The following FRMD4B variants were observed in gnomAD, a reference collection of about 807,000 sequenced individuals.
FRMD4B encodes FERM domain containing 4B.
FRMD4B carries 74 observed loss-of-function variants against 141.5 expected under a neutral mutation model. That is an observed-to-expected ratio of 0.52 (90% CI 0.43 to 0.63). The LOEUF is 0.63. Ranked by LOEUF, FRMD4B falls within the 30% of genes least tolerant of loss-of-function variation. The pLI is 0.00. For synonymous variants in FRMD4B, 506 were observed against 467.9 expected (o/e 1.08, Z -1.05); for missense variants, 1,366 against 1,253.4 (o/e 1.09, Z -1.36).
intron 11 of FRMD4B, chr3:69,200,798 C>T: frequency 1.6e-6 from 1 of 608,836 alleles, no homozygotes; most frequent in Non-Finnish European, 2.7e-6. Context: ...ACATTTCTAC[C>T]CTAGTTTACT....
chr3:69,207,570 G>C (rs2093035755), intron 11 of FRMD4B, among the ~76,000 whole-genome samples: 1 of 152,138 alleles, frequency 6.6e-6, no homozygotes, highest in Non-Finnish European at 1.5e-5. Context: ...AGCACTTTGG[G>C]AGGCCGAGGC....
intron 17 of FRMD4B, among the ~76,000 whole-genome samples, chr3:69,193,058 T>A (rs2092857613): frequency 6.6e-6 from 1 of 152,066 alleles, no homozygotes; most frequent in South Asian, 2.1e-4. Context: ...TTAGCTCAAG[T>A]GATCCGCTCA....
At chr3:69,382,800 T>C (rs1330396599) in intron 1 of FRMD4B, among the ~76,000 whole-genome samples, 2 of 151,376 alleles carry the variant, frequency 1.3e-5, no homozygotes, top group East Asian at 3.9e-4. Context: ...ATATAAGGCC[T>C]GAAACTGCTG....
At chr3:69,487,395 A>C (rs1029252219) in intron 1 of FRMD4B, among the ~76,000 whole-genome samples, 4 of 152,230 alleles carry the variant, frequency 2.6e-5, no homozygotes, top group Non-Finnish European at 5.9e-5. Flanking sequence ...AAGAAATTTG[A>C]ATTTTATTTC....
At chr3:69,257,795 G>A (rs1026753868) in intron 5 of FRMD4B, among the ~76,000 whole-genome samples, 1 of 151,522 alleles carries the variant, frequency 6.6e-6, no homozygotes, top group Admixed American at 6.6e-5. Context: ...CTGAGTAGCC[G>A]GGACTACAGG....
intron 19 of FRMD4B, among the ~76,000 whole-genome samples, chr3:69,185,330 G>GAAAAGAAAAAAAA (rs1559694051): frequency 6.6e-6 from 1 of 150,688 alleles, no homozygotes; most frequent in Non-Finnish European, 1.5e-5. Flanking sequence ...AAGAAAAAAA[G>GAAAAGAAAAAAAA]AAGAAACATA....
chr3:69,200,177 A>C (rs775954599), intron 11 of FRMD4B, among the ~76,000 whole-genome samples: 15 of 152,168 alleles, frequency 9.9e-5, no homozygotes, highest in Non-Finnish European at 1.5e-4. Flanking sequence ...AAAGGAACAA[A>C]ATGAGCTGAA....
At chr3:69,183,793 T>A (rs1336570493) in intron 19 of FRMD4B, among the ~76,000 whole-genome samples, 1 of 151,986 alleles carries the variant, frequency 6.6e-6, no homozygotes. Flanking sequence ...GAAGTTAATT[T>A]TTTTTAACTA....
At chr3:69,285,060 G>A (rs550632192) in intron 5 of FRMD4B, among the ~76,000 whole-genome samples, 120 of 152,348 alleles carry the variant, frequency 7.9e-4, no homozygotes, top group African/African-American at 2.3e-3. Context: ...CTACTCGGGA[G>A]GCTGAGGCAG....
intron 4 of FRMD4B, among the ~76,000 whole-genome samples, chr3:69,289,843 C>A (rs1233615100): frequency 6.6e-6 from 1 of 151,986 alleles, no homozygotes; most frequent in South Asian, 2.1e-4. Context: ...CAACGTATAG[C>A]CAATCACTGA....
chr3:69,425,044 G>A (rs1705053633), intron 2 of FRMD4B, among the ~76,000 whole-genome samples: 1 of 152,118 alleles, frequency 6.6e-6, no homozygotes, highest in Admixed American at 6.6e-5. Flanking sequence ...AGTGACTTAG[G>A]CAAATAGGAA....
At chr3:69,304,483 C>CAAAAAAAAAAAAAAAAAAAAAAAA (rs1313360753) in intron 3 of FRMD4B, among the ~76,000 whole-genome samples, 2 of 67,596 alleles carry the variant, frequency 3.0e-5, no homozygotes, top group Non-Finnish European at 3.0e-5. Context: ...GATTCTATCT[C>CAAAAAAAAAAAAAAAAAAAAAAAA]AAAAAAAAAA....
At chr3:69,175,793 G>A (rs1246983774) in intron 22 of FRMD4B, among the ~76,000 whole-genome samples, 2 of 47,298 alleles carry the variant, frequency 4.2e-5, no homozygotes, top group African/African-American at 9.3e-5. Context: ...TTTTTTTTTT[G>A]AGACGGAGAT....
At chr3:69,346,729 C>A (rs2107408487) in intron 1 of FRMD4B, among the ~76,000 whole-genome samples, 1 of 152,256 alleles carries the variant, frequency 6.6e-6, no homozygotes, top group African/African-American at 2.4e-5. Context: ...TCCAGCCAAA[C>A]TAAGCTTCAT....
At chr3:69,307,891 G>A (rs1416653749) in intron 3 of FRMD4B, among the ~76,000 whole-genome samples, 1 of 152,080 alleles carries the variant, frequency 6.6e-6, no homozygotes, top group Non-Finnish European at 1.5e-5. Flanking sequence ...GACTAACAAG[G>A]CTCACCTATG....
chr3:69,346,481 T>C (rs1158785940), intron 1 of FRMD4B, among the ~76,000 whole-genome samples: 3 of 151,914 alleles, frequency 2.0e-5, no homozygotes, highest in Non-Finnish European at 2.9e-5. Flanking sequence ...ATACAGAGAA[T>C]GCCACAAAGA....
chr3:69,476,811 C>T (rs34277049), intron 1 of FRMD4B, among the ~76,000 whole-genome samples: 63,185 of 151,958 alleles, frequency 0.42, 13,245 homozygotes, highest in East Asian at 0.51. Flanking sequence ...GCTATTTTCA[C>T]GATATTGATT....
chr3:69,357,496 C>A (rs1330408574), intron 1 of FRMD4B, among the ~76,000 whole-genome samples: 1 of 152,178 alleles, frequency 6.6e-6, no homozygotes, highest in South Asian at 2.1e-4. Context: ...GGATGATCAC[C>A]TAACTGGTGA....
chr3:69,498,082 T>A (rs1266731524), intron 1 of FRMD4B, among the ~76,000 whole-genome samples: 11 of 152,100 alleles, frequency 7.2e-5, no homozygotes, highest in Non-Finnish European at 2.9e-5. Context: ...GGATGGGAGC[T>A]GAGGGAATAT....
Sources: gnomAD v4.1 joint callset for allele counts (sites outside exome capture counted in the v4.1 genomes callset) on GRCh38, gnomAD v4.1.1 for gene constraint, MANE v1.5 for transcripts, NCBI Gene and HGNC (gene_info 2026-07-23, HGNC 2026-07-21) for gene names.